Variants in CTNNA2 observed in about 807,000 individuals in gnomAD.
CTNNA2 encodes catenin alpha 2.
A neutral mutation model predicts 101.0 loss-of-function variants in CTNNA2; 42 were observed. That is an observed-to-expected ratio of 0.42 (90% CI 0.32 to 0.54). The LOEUF is 0.54. CTNNA2 is among the 20% of genes least tolerant of loss of function. CTNNA2 has a pLI of 0.14. For synonymous variants in CTNNA2, 450 were observed against 456.4 expected, an observed-to-expected ratio of 0.99 and a Z score of 0.18; for missense variants, 871 against 1,223.1, an observed-to-expected ratio of 0.71 and a Z score of 4.29.
At chr2:80,006,720 T>C (rs1693380770) in intron 7 of CTNNA2, among the ~76,000 whole-genome samples, 1 of 152,182 alleles carries the variant, frequency 6.6e-6, no homozygotes, top group African/African-American at 2.4e-5. Flanking sequence ...AGTGTTCTTC[T>C]TGTGGGCACT....
intron 7 of CTNNA2, among the ~76,000 whole-genome samples, chr2:79,982,192 C>CTATATATATATATATATATATATATA (rs70940064): frequency 1.3e-5 from 1 of 75,050 alleles, no homozygotes; most frequent in Non-Finnish European, 2.3e-5. Context: ...GCATGTGCCA[C>CTATATATATATATATATATATATATA]TATATATATA....
chr2:80,080,964 A>G (rs903195406), intron 7 of CTNNA2, among the ~76,000 whole-genome samples: 1 of 150,296 alleles, frequency 6.7e-6, no homozygotes, highest in Middle Eastern at 3.4e-3. Context: ...AAAAAAAAAA[A>G]AAAAAAAAGA....
chr2:79,606,588 AAAT>A (rs566792601), intron 1 of CTNNA2, among the ~76,000 whole-genome samples: 280 of 152,276 alleles, frequency 1.8e-3, no homozygotes, highest in African/African-American at 6.5e-3. Flanking sequence ...GTTTAAACAA[AAAT>A]AATAACATCA....
intron 2 of CTNNA2, among the ~76,000 whole-genome samples, chr2:79,289,084 G>C (rs963759077): frequency 1.3e-5 from 2 of 152,184 alleles, no homozygotes; most frequent in Admixed American, 6.5e-5. Context: ...TCCAAGGACA[G>C]AGTCTAATAT....
intron 14 of CTNNA2, among the ~76,000 whole-genome samples, chr2:80,584,824 T>C (rs1268937939): frequency 1.3e-5 from 2 of 152,132 alleles, no homozygotes; most frequent in East Asian, 1.9e-4. Context: ...GTGATGATGC[T>C]TGTGGCTTGA....
At chr2:79,283,014 A>G (rs1203376299) in intron 2 of CTNNA2, among the ~76,000 whole-genome samples, 1 of 87,902 alleles carries the variant, frequency 1.1e-5, no homozygotes, top group Non-Finnish European at 2.7e-5. Flanking sequence ...GCCAGTGATG[A>G]TGAGCATTTT....
chr2:80,582,845 T>G (rs1695655557), intron 14 of CTNNA2, among the ~76,000 whole-genome samples: 1 of 152,102 alleles, frequency 6.6e-6, no homozygotes, highest in Admixed American at 6.6e-5. Context: ...GCCTTAAGAA[T>G]TATGAAAGAA....
chr2:79,876,706 G>A (rs1278263662), intron 6 of CTNNA2, among the ~76,000 whole-genome samples: 1 of 152,126 alleles, frequency 6.6e-6, no homozygotes, highest in Non-Finnish European at 1.5e-5. Context: ...CCCAATTAAT[G>A]TAACAACCGA....
chr2:80,224,427 C>A (rs972151043), intron 7 of CTNNA2, among the ~76,000 whole-genome samples: 13 of 151,972 alleles, frequency 8.6e-5, no homozygotes, highest in Non-Finnish European at 1.6e-4. Context: ...TCCTCTACAG[C>A]TGCATTTATT....
intron 3 of CTNNA2, among the ~76,000 whole-genome samples, chr2:79,771,420 C>T (rs564047135): frequency 1.3e-5 from 2 of 152,128 alleles, no homozygotes; most frequent in South Asian, 4.1e-4. Context: ...ATTTGTTGTG[C>T]ACCTTATTTC....
chr2:79,226,972 C>A (rs566849533), intron 2 of CTNNA2, among the ~76,000 whole-genome samples: 2 of 97,362 alleles, frequency 2.1e-5, no homozygotes, highest in South Asian at 9.3e-4. Context: ...CTCTGAGGGA[C>A]TCTGGGACAA....
At chr2:80,596,292 T>G (rs1248768439) in intron 15 of CTNNA2, among the ~76,000 whole-genome samples, 1 of 41,712 alleles carries the variant, frequency 2.4e-5, no homozygotes, top group African/African-American at 1.1e-4. Context: ...TTTTTTTTTT[T>G]TTTTTTTTTT....
At chr2:79,930,355 A>AGAAAGAAAGAAC (rs1472407347) in intron 7 of CTNNA2, among the ~76,000 whole-genome samples, 7 of 104,876 alleles carry the variant, frequency 6.7e-5, no homozygotes, top group Non-Finnish European at 8.8e-5. Context: ...AAAGAAAGAA[A>AGAAAGAAAGAAC]GAATGAACAC....
chr2:80,206,506 A>G (rs1707543814), intron 7 of CTNNA2, among the ~76,000 whole-genome samples: 1 of 152,256 alleles, frequency 6.6e-6, no homozygotes, highest in South Asian at 2.1e-4. Flanking sequence ...TTGAAATTCA[A>G]GTGTTTAATA....
intron 9 of CTNNA2, among the ~76,000 whole-genome samples, chr2:80,424,102 C>T (rs867390338): frequency 1.7e-4 from 26 of 152,202 alleles, no homozygotes; most frequent in Middle Eastern, 6.8e-3. Context: ...ATTACAGGCA[C>T]CCGCCAGCAG....
chr2:79,668,316 G>T (rs1221868331), intron 2 of CTNNA2, among the ~76,000 whole-genome samples: 1 of 149,802 alleles, frequency 6.7e-6, no homozygotes, highest in East Asian at 1.9e-4. Flanking sequence ...GAAAATCATG[G>T]AATTTCTTTC....
intron 1 of CTNNA2, among the ~76,000 whole-genome samples, chr2:79,584,486 A>C (rs1558749112): frequency 6.6e-6 from 1 of 151,896 alleles, no homozygotes; most frequent in African/African-American, 2.4e-5. Flanking sequence ...ATATAATGAG[A>C]TAAAAAATAA....
At chr2:80,594,964 C>T (rs1012687073) in intron 15 of CTNNA2, among the ~76,000 whole-genome samples, 4 of 151,954 alleles carry the variant, frequency 2.6e-5, no homozygotes, top group Admixed American at 2.6e-4. Flanking sequence ...TTGTTCTTTT[C>T]AAGATTGCTT....
chr2:80,212,281 T>A (rs1254994148), intron 7 of CTNNA2, among the ~76,000 whole-genome samples: 2 of 152,222 alleles, frequency 1.3e-5, no homozygotes, highest in Non-Finnish European at 2.9e-5. Context: ...AGAGAGGGCA[T>A]CCTTGTCTTG....
Sources: allele counts gnomAD v4.1 joint callset (sites outside exome capture counted in the v4.1 genomes callset), GRCh38; gene constraint gnomAD v4.1.1; transcripts MANE v1.5; gene names NCBI Gene and HGNC (gene_info 2026-07-23, HGNC 2026-07-21).